AHCY: variants seen among roughly 807,000 people sequenced by gnomAD.
AHCY encodes the protein adenosylhomocysteinase, also known as S-adenosyl-L-homocysteine hydrolase.
In AHCY, 24 loss-of-function variants were observed where a neutral mutation model predicts 45.4. The ratio of observed to expected loss-of-function variants is 0.53; its 90% CI spans 0.38 to 0.74. The LOEUF is 0.74. Ranked by LOEUF, AHCY falls within the 30% of genes least tolerant of loss-of-function variation. The pLI, the probability that AHCY is intolerant of heterozygous loss-of-function variation, is 0.00. For synonymous variants in AHCY, 245 were observed against 235.1 expected (o/e 1.04, Z -0.39); for missense variants, 449 against 594.1 (o/e 0.76, Z 2.54).
At chr20:34,302,624 C>G (rs2122830855) in intron 1 of AHCY, 2 of 985,696 alleles carry the variant, frequency 2.0e-6, no homozygotes, top group African/African-American at 3.5e-5. Flanking sequence ...ACACTTCAAT[C>G]GGTGGGACAG....
At chr20:34,267,374 T>C in the AHCY span, among the ~76,000 whole-genome samples, 1 of 133,562 alleles carries the variant, frequency 7.5e-6, no homozygotes, top group Non-Finnish European at 1.5e-5. Context: ...CAGCGTCCAA[T>C]AGAAATACAA....
the AHCY span, among the ~76,000 whole-genome samples, chr20:34,253,992 G>A: frequency 4.6e-5 from 7 of 152,192 alleles, no homozygotes; most frequent in African/African-American, 1.7e-4. Flanking sequence ...AGAGTGGAAA[G>A]ACAGTTGAGA....
At chr20:34,241,562 T>C in the AHCY span, 1 of 979,472 alleles carries the variant, frequency 1.0e-6, no homozygotes, top group African/African-American at 1.8e-5. Flanking sequence ...TGAAAGGACT[T>C]AACAGTTATC....
At chr20:34,262,637 C>T in the AHCY span, among the ~76,000 whole-genome samples, 3 of 152,132 alleles carry the variant, frequency 2.0e-5, no homozygotes, top group Non-Finnish European at 4.4e-5. Context: ...ACGTTGCTAT[C>T]AGTGCCTGGC....
At chr20:34,278,266 G>A (rs2035927075), downstream of AHCY, among the ~76,000 whole-genome samples, 1 of 152,184 alleles carries the variant, frequency 6.6e-6, no homozygotes, top group Non-Finnish European at 1.5e-5. Flanking sequence ...CTCCGAACAG[G>A]AAAGGAAGAG....
chr20:34,259,452 G>A, the AHCY span, among the ~76,000 whole-genome samples: 1 of 152,092 alleles, frequency 6.6e-6, no homozygotes, highest in Non-Finnish European at 1.5e-5. Flanking sequence ...GGAGGAGGTT[G>A]CAGTGAGCCA....
the AHCY span, chr20:34,260,314 T>C: frequency 8.3e-4 from 1,282 of 1,542,718 alleles, 4 homozygotes; most frequent in Middle Eastern, 7.4e-3. Flanking sequence ...GGAAGGCCTC[T>C]TACCATTACC....
chr20:34,249,874 C>T, the AHCY span: 3 of 152,252 alleles, frequency 2.0e-5, no homozygotes, highest in African/African-American at 7.2e-5. Flanking sequence ...CACATATGCA[C>T]AGTGTTTCAC....
At chr20:34,277,078 T>C (rs1246795076), downstream of AHCY, among the ~76,000 whole-genome samples, 1 of 152,152 alleles carries the variant, frequency 6.6e-6, no homozygotes. Flanking sequence ...ACAGTCCCTG[T>C]GGATCCTTCC....
In AHCY at chr20:34,290,737, T is replaced by C. The variant is rs1329329628; in HGVS notation, c.760A>G (p.Met254Val). The change falls in exon 6 of 10, where the codon ATG becomes GTG. Residue 254 changes from methionine (M) to valine (V), a missense_variant. Physicochemically the swap from Met to Val is conservative, Grantham distance 21. Coordinates refer to ENST00000217426, the MANE Select transcript of AHCY (RefSeq NM_000687.4). This position sits in a 1 kb window ranked among gnomAD's most constrained non-coding sequence, Gnocchi z 4.5. ...AACCCTTGCCCTATCCTACCCTCCA[T>C]GGCAGCCTGCAGTGCGTTGATGGGG... Reference protein sequence around the residue: ...IDPINALQAAMEGYEVTTMDE... With the variant: ...IDPINALQAAVEGYEVTTMDE... 1.2e-6 allele frequency: 2 copies of C among 1,613,562 alleles called. No homozygotes were observed. The highest frequency in any genetic ancestry group is 1.7e-6 in the Non-Finnish European group (2 of 1,179,974).
chr20:34,292,043 T>C (rs972741616), intron 4 of AHCY, among the ~76,000 whole-genome samples: 2 of 152,228 alleles, frequency 1.3e-5, no homozygotes, highest in African/African-American at 4.8e-5. Context: ...TTCTGTTTCC[T>C]GAACACTCCA....
At chr20:34,284,546 C>T (rs566281247) in intron 9 of AHCY, among the ~76,000 whole-genome samples, 18 of 152,120 alleles carry the variant, frequency 1.2e-4, no homozygotes, top group Non-Finnish European at 2.5e-4. Flanking sequence ...TTAACCCACC[C>T]AGTTATTTTT....
At chr20:34,274,715 G>A in the AHCY span, among the ~76,000 whole-genome samples, 104 of 152,278 alleles carry the variant, frequency 6.8e-4, no homozygotes, top group African/African-American at 2.3e-3. Flanking sequence ...GGGAGGCCGA[G>A]GCAGGAGGAT....
At chr20:34,302,916 G>C (rs1165170768) in intron 1 of AHCY, 1 of 985,350 alleles carries the variant, frequency 1.0e-6, no homozygotes, top group East Asian at 1.1e-4. Context: ...GGCCCCCCGA[G>C]CAGGGTCCGG....
At chr20:34,244,065 AAAAC>A in the AHCY span, among the ~76,000 whole-genome samples, 15 of 152,294 alleles carry the variant, frequency 9.8e-5, no homozygotes, top group East Asian at 7.7e-4. Flanking sequence ...ACTCCATCTC[AAAAC>A]AAACAAACAA....
chr20:34,263,112 A>G, the AHCY span, among the ~76,000 whole-genome samples: 1 of 152,230 alleles, frequency 6.6e-6, no homozygotes, highest in Non-Finnish European at 1.5e-5. Context: ...ATAGGTTACG[A>G]AAAGCAGCTT....
the AHCY span, among the ~76,000 whole-genome samples, chr20:34,249,329 G>A: frequency 7.5e-6 from 1 of 132,470 alleles, no homozygotes. Flanking sequence ...CTATCTCCTC[G>A]CCTCCACTGA....
Position 34,290,889 on chromosome 20 carries a change from A to G in AHCY, c.608T>C (p.Ile203Thr), listed in dbSNP as rs768594640. ...YGCRESLIDG[I>T]KRATDVMIAG... ...AATCATCACATCTGTGGCCCGCTTG[A>G]TGCCATCTATGAGGGACTCCCGGCA... Residue 203 changes from isoleucine to threonine, a missense_variant, in exon 6 of 10, where the codon ATC becomes ACC. Transcript: ENST00000217426. This position sits in a 1 kb window ranked among gnomAD's most constrained non-coding sequence, Gnocchi z 4.5. 6 of 1,613,968 alleles carry G rather than the reference A, an allele frequency of 3.7e-6. No homozygotes were observed. The highest frequency in any genetic ancestry group is 5.1e-6 in the Non-Finnish European group (6 of 1,180,014).
chr20:34,308,815 A>C (rs191147737), intron 1 of AHCY, among the ~76,000 whole-genome samples: 1 of 151,280 alleles, frequency 6.6e-6, no homozygotes, highest in Admixed American at 6.6e-5. Context: ...CACGATGCCC[A>C]GCTAATTCTT....
Sources: allele counts gnomAD v4.1 joint callset (sites outside exome capture counted in the v4.1 genomes callset), GRCh38; gene constraint gnomAD v4.1.1; non-coding constraint Gnocchi (gnomAD v3.1); transcripts MANE v1.5; gene names NCBI Gene and HGNC (gene_info 2026-07-23, HGNC 2026-07-21).